Variants in CTIF observed in about 807,000 individuals in gnomAD.
The protein encoded by CTIF is cap binding complex dependent translation initiation factor, also known as CBP80/20-dependent translation initiation factor.
A neutral mutation model predicts 66.0 loss-of-function variants in CTIF; 21 were observed. The observed-to-expected ratio is 0.32, with a 90% CI of 0.23 to 0.46. The LOEUF (loss-of-function observed/expected upper bound fraction) is 0.46. Among genes scored for constraint, CTIF ranks in the 20% least tolerant of loss-of-function variants. CTIF has a pLI of 1.00. For missense variants in CTIF, 739 were observed against 812.7 expected, an observed-to-expected ratio of 0.91 and a Z score of 1.10; for synonymous variants, 345 against 326.4, an observed-to-expected ratio of 1.06 and a Z score of -0.62.
intron 7 of CTIF, among the ~76,000 whole-genome samples, chr18:48,753,113 G>A (rs1179787514): frequency 2.6e-5 from 4 of 152,240 alleles, no homozygotes; most frequent in African/African-American, 9.6e-5. Context: ...AGCTCACTCA[G>A]GGCATGTGTA....
chr18:48,726,707 C>A (rs998905477), intron 7 of CTIF, among the ~76,000 whole-genome samples: 2 of 152,056 alleles, frequency 1.3e-5, no homozygotes, highest in African/African-American at 4.8e-5. Flanking sequence ...GCTTTGTAAC[C>A]TAATCTTGGA....
At chr18:48,815,596 C>T (rs937488017) in intron 9 of CTIF, among the ~76,000 whole-genome samples, 10 of 152,242 alleles carry the variant, frequency 6.6e-5, no homozygotes, top group Admixed American at 6.5e-4. Context: ...TAAGCTGTGG[C>T]CTAGGCTCAT....
chr18:48,821,518 C>G, intron 10 of CTIF, among the ~76,000 whole-genome samples: 1 of 152,242 alleles, frequency 6.6e-6, no homozygotes, highest in East Asian at 1.9e-4. Context: ...TGTTTGTTTT[C>G]TTGGTGCATA....
chr18:48,731,320 G>C lies in CTIF; in HGVS notation c.584+19625G>C, dbSNP rs184494081. 2.8e-3 allele frequency among the ~76,000 whole-genome samples: 429 copies of C among 152,222 alleles called. 2 individuals carry two copies. The highest frequency in any genetic ancestry group is 9.7e-3 in the African/African-American group (402 of 41,510). ...AGCAGCTGATGGGCATCACTGGGAG[G>C]GAGTAGAGAAGGCTCATTATGATGG... is the stretch of plus-strand genomic sequence containing the variant. On this transcript the variant is annotated intron_variant, in intron 7 of 11. Transcript: ENST00000256413.
chr18:48,605,033 A>G (rs943437679), intron 1 of CTIF, among the ~76,000 whole-genome samples: 2 of 152,160 alleles, frequency 1.3e-5, no homozygotes, highest in Non-Finnish European at 2.9e-5. Flanking sequence ...CAGTTGATGG[A>G]TGTTTGTGTA....
intron 7 of CTIF, among the ~76,000 whole-genome samples, chr18:48,720,250 A>C (rs1220901587): frequency 6.6e-6 from 1 of 152,188 alleles, no homozygotes; most frequent in Non-Finnish European, 1.5e-5. Context: ...GTGTGGTGGT[A>C]GCTTCGCTAG....
chr18:48,551,797 T>G (rs2088888076), intron 1 of CTIF, among the ~76,000 whole-genome samples: 2 of 144,560 alleles, frequency 1.4e-5, no homozygotes, highest in South Asian at 2.1e-4. Context: ...AATAACTTTC[T>G]TTTTCTTTTT....
intron 7 of CTIF, among the ~76,000 whole-genome samples, chr18:48,733,078 T>C (rs956506408): frequency 6.6e-6 from 1 of 152,164 alleles, no homozygotes. Context: ...CTTTCATCAT[T>C]AGTGCATGCT....
chr18:48,768,524 A>T (rs6507868), intron 9 of CTIF, among the ~76,000 whole-genome samples: 9 of 151,720 alleles, frequency 5.9e-5, no homozygotes, highest in South Asian at 2.1e-4. Flanking sequence ...AGGCTGCAAG[A>T]TTGACCCAGC....
At chr18:48,745,318 C>T (rs1162297583) in intron 7 of CTIF, among the ~76,000 whole-genome samples, 1 of 152,218 alleles carries the variant, frequency 6.6e-6, no homozygotes, top group Non-Finnish European at 1.5e-5. Flanking sequence ...TCTTTAATCC[C>T]CTGCCTGGTG....
intron 1 of CTIF, among the ~76,000 whole-genome samples, chr18:48,600,345 TGC>T (rs2144121589): frequency 6.6e-6 from 1 of 152,272 alleles, no homozygotes; most frequent in Admixed American, 6.5e-5. Flanking sequence ...TGTCTGTATG[TGC>T]TTCATTTGTG....
At chr18:48,553,260 T>C (rs978892133) in intron 1 of CTIF, among the ~76,000 whole-genome samples, 1 of 152,200 alleles carries the variant, frequency 6.6e-6, no homozygotes, top group East Asian at 1.9e-4. Context: ...GGTGAAGTGA[T>C]GTCACTGTGA....
chr18:48,645,443 C>T (rs2091012569), intron 3 of CTIF, among the ~76,000 whole-genome samples: 2 of 152,184 alleles, frequency 1.3e-5, no homozygotes, highest in Non-Finnish European at 2.9e-5. Flanking sequence ...CCACAGAACA[C>T]ATCCCCACCC....
chr18:48,542,660 C>G (rs1438574385), intron 1 of CTIF, among the ~76,000 whole-genome samples: 1 of 152,116 alleles, frequency 6.6e-6, no homozygotes, highest in Non-Finnish European at 1.5e-5. Flanking sequence ...CAGGAGGGAA[C>G]AAATCATAAA....
intron 7 of CTIF, among the ~76,000 whole-genome samples, chr18:48,713,737 A>C (rs1400939482): frequency 6.6e-6 from 1 of 152,188 alleles, no homozygotes; most frequent in Non-Finnish European, 1.5e-5. Context: ...CGGAGAGATG[A>C]GGGGCCGCTG....
In CTIF at chr18:48,664,531, G is replaced by T. The variant is rs2091402430; in HGVS notation, c.411G>T (p.Leu137=). ...RKVRHTPKQP[L]PHIDREGCGK... is the part of the protein sequence containing the mutation. ...TCCGACACACGCCCAAGCAGCCCCT[G>T]CCACACATCGACCGCGAAGGGTAAG... Residue 137 remains leucine (L), a synonymous_variant, in exon 5 of 12, where the codon CTG becomes CTT. Coordinates refer to ENST00000256413, the MANE Select transcript of CTIF (RefSeq NM_014772.3). 6 of 1,612,328 alleles carry T rather than the reference G, an allele frequency of 3.7e-6. No individual in the cohort carries two copies. In the East Asian group the frequency reaches 1.3e-4, roughly 36 times the overall value.
chr18:48,806,019 A>G (rs1293077756), intron 9 of CTIF, among the ~76,000 whole-genome samples: 1 of 152,108 alleles, frequency 6.6e-6, no homozygotes, highest in Non-Finnish European at 1.5e-5. Flanking sequence ...TCATCAACAG[A>G]CATCAGACCT....
At chr18:48,638,610 G>T (rs2144647030) in intron 3 of CTIF, among the ~76,000 whole-genome samples, 1 of 152,322 alleles carries the variant, frequency 6.6e-6, no homozygotes, top group East Asian at 1.9e-4. Context: ...AGGGCTGGGG[G>T]CTTGTGGAGT....
rs1414233389 is a variant in CTIF, at chr18:48,572,308, GTGTT to G, written c.-29+32999_-29+33002del. Among the ~76,000 whole-genome samples the G allele has an allele frequency of 1.7e-4, 26 of 152,282 alleles. No individual in the cohort carries two copies. The South Asian group carries it at 5.4e-3, about 32-fold the overall frequency. On this transcript the variant is annotated intron_variant, in intron 1 of 11. Coordinates refer to ENST00000256413, the MANE Select transcript of CTIF (RefSeq NM_014772.3). ...TACCTTCAAAGCAACATCTAGATGA[GTGTT>G]TGAGCAAGCAGCTGGGCACCATAGC...
Sources: gnomAD v4.1 joint callset for allele counts (sites outside exome capture counted in the v4.1 genomes callset) on GRCh38, gnomAD v4.1.1 for gene constraint, MANE v1.5 for transcripts, NCBI Gene and HGNC (gene_info 2026-07-23, HGNC 2026-07-21) for gene names.